PCDHA2: variants seen among roughly 807,000 people sequenced by gnomAD.
The protein encoded by PCDHA2 is protocadherin alpha-2.
A neutral mutation model predicts 66.0 loss-of-function variants in PCDHA2; 58 were observed. The ratio of observed to expected loss-of-function variants is 0.88; its 90% CI spans 0.71 to 1.09. The LOEUF (loss-of-function observed/expected upper bound fraction) is 1.09, where lower values mean the gene tolerates loss of function less well. PCDHA2 is among the 50% of genes least tolerant of loss of function. PCDHA2 has a pLI of 0.00. For synonymous variants in PCDHA2, 634 were observed against 554.0 expected (o/e 1.14, Z -2.03); for missense variants, 1,267 against 1,242.3 (o/e 1.02, Z -0.30).
chr5:140,834,759 A>G (rs2150225728), intron 1 of PCDHA2: 8 of 1,614,036 alleles, frequency 5.0e-6, no homozygotes, highest in Non-Finnish European at 6.8e-6. Flanking sequence ...GGTGAAGGAC[A>G]TTAACGACAA....
Position 140,818,967 on chromosome 5 carries a change from A to T in PCDHA2, c.2388+21615A>T, listed in dbSNP as rs2150102814. On this transcript the variant is annotated intron_variant, in intron 1 of 3. Transcript: ENST00000526136. Reference sequence around the variant, plus strand: ...CATTGATATTCACTATCTCAGGGATATGTTAGAACTATTCTCATATTTTCT... The same window carrying T: ...CATTGATATTCACTATCTCAGGGATTTGTTAGAACTATTCTCATATTTTCT... Among the ~76,000 whole-genome samples, 9 of 152,370 alleles carry T rather than the reference A, an allele frequency of 5.9e-5. No homozygotes were observed. The East Asian group carries it at 1.7e-3, about 29-fold the overall frequency.
chr5:140,807,036 G>A lies in PCDHA2; in HGVS notation c.2388+9684G>A. On this transcript the variant is annotated intron_variant, in intron 1 of 3. Coordinates refer to ENST00000526136, the MANE Select transcript of PCDHA2 (RefSeq NM_018905.3). ...ATACATGAGAGAAGGAGGAAGAAGG[G>A]AAAATTCCTTCTATTCTTACTGGAA... The A allele has an allele frequency of 2.1e-6, 2 of 946,538 alleles. 1 individual carries two copies. Among genetic ancestry groups the A allele is most frequent in the South Asian group, 3.3e-5 (2 of 59,988 alleles). 58.6% of individuals were successfully genotyped at this position (946,538 alleles called of 1,614,324 possible).
intron 1 of PCDHA2, chr5:140,876,134 A>T: frequency 6.2e-7 from 1 of 1,613,962 alleles, no homozygotes; most frequent in Non-Finnish European, 8.5e-7. Flanking sequence ...GGTAAACCAG[A>T]ACTAACAGGG....
intron 2 of PCDHA2, 101 bp downstream of exon 2, chr5:140,979,108 A>G: frequency 6.6e-7 from 1 of 1,526,122 alleles, no homozygotes; most frequent in African/African-American, 1.4e-5. Flanking sequence ...AAAACTAAAA[A>G]GCTTTAGGTA....
intron 1 of PCDHA2, chr5:140,884,248 G>A: frequency 1.2e-6 from 2 of 1,613,458 alleles, no homozygotes; most frequent in Non-Finnish European, 1.7e-6. Flanking sequence ...CCGCGCTGAC[G>A]GCCACGGCAA....
At chr5:140,929,014 C>T (rs1554206582) in intron 1 of PCDHA2, 5 of 1,614,110 alleles carry the variant, frequency 3.1e-6, no homozygotes, top group Non-Finnish European at 4.2e-6. Flanking sequence ...TACCAAGTTG[C>T]ACCAGAGCCC....
At chr5:140,962,947 A>T (rs2153733915) in intron 1 of PCDHA2, among the ~76,000 whole-genome samples, 2 of 152,320 alleles carry the variant, frequency 1.3e-5, no homozygotes, top group Admixed American at 1.3e-4. Context: ...TCCATAAGAT[A>T]TGCTCTATCC....
chr5:140,966,561 G>C (rs2153747879), intron 1 of PCDHA2: 1 of 488,962 alleles, frequency 2.0e-6, no homozygotes, highest in Non-Finnish European at 3.4e-6. Context: ...GGAGGAGCTG[G>C]AATATGGGGA....
chr5:140,796,568 T>G lies in PCDHA2; in HGVS notation c.1604T>G (p.Val535Gly). ...GAAGTGGAGCTGCTGCAGTTCCAGG[T>G]GAGCGCGCGGGATGCGGGCGTGCCG... ...HEEVELLQFQ[V>G]SARDAGVPPL... The change falls in exon 1 of 4, where the codon GTG (valine) becomes GGG (glycine). Residue 535 changes from valine to glycine, a missense_variant. Physicochemically the swap from Val to Gly is moderately radical, Grantham distance 109. Transcript: ENST00000526136. The G allele has an allele frequency of 6.2e-7, 1 of 1,613,218 alleles. No homozygotes were observed. The highest frequency in any genetic ancestry group is 8.5e-7 in the Non-Finnish European group (1 of 1,179,854).
intron 1 of PCDHA2, among the ~76,000 whole-genome samples, chr5:140,838,085 T>TA (rs1554136878): frequency 2.0e-4 from 13 of 64,188 alleles, no homozygotes; most frequent in African/African-American, 3.3e-4. Context: ...ATAGTGTGTG[T>TA]GTGTGTGTGT....
chr5:140,843,293 G>T, intron 1 of PCDHA2: 1 of 1,595,972 alleles, frequency 6.3e-7, no homozygotes, highest in East Asian at 2.2e-5. Context: ...TGGTGAACCT[G>T]CGCTGACCGC....
At chr5:140,896,346 G>T (rs1466880160) in intron 1 of PCDHA2, among the ~76,000 whole-genome samples, 18 of 151,992 alleles carry the variant, frequency 1.2e-4, no homozygotes, top group Non-Finnish European at 2.5e-4. Flanking sequence ...TTATATTCCC[G>T]CCAGCAGTGT....
At chr5:140,824,171 C>G in intron 1 of PCDHA2, 1 of 1,610,416 alleles carries the variant, frequency 6.2e-7, no homozygotes, top group Non-Finnish European at 8.5e-7. Context: ...TCCCAATTTT[C>G]AAATATTAAA....
At chr5:140,849,659 C>T in intron 1 of PCDHA2, 4 of 1,598,722 alleles carry the variant, frequency 2.5e-6, no homozygotes, top group Non-Finnish European at 3.4e-6. Flanking sequence ...TTACCTGCTC[C>T]CTGACGCCCC....
At chr5:140,830,062 G>A (rs1770788840) in intron 1 of PCDHA2, 3 of 1,613,698 alleles carry the variant, frequency 1.9e-6, no homozygotes, top group Non-Finnish European at 1.7e-6. Flanking sequence ...ACGGTGAGCC[G>A]GCGCTGACAG....
rs202007975 is a variant in PCDHA2 at position 140,850,558 on chromosome 5, G to A, written c.2388+53206G>A. The A allele has an allele frequency of 5.2e-4, 834 of 1,598,326 alleles. 75 individuals carry two copies. The highest frequency in any genetic ancestry group is 6.1e-4 in the Non-Finnish European group (716 of 1,167,818). ...TCGCGGGCGTCAGTGGGTGCCACGGGCCCCGAGGTGACGCTGGTGGATGTC... is the reference window on the plus strand; with the variant it reads ...TCGCGGGCGTCAGTGGGTGCCACGGACCCCGAGGTGACGCTGGTGGATGTC... On this transcript the variant is annotated intron_variant, in intron 1 of 3. Transcript: ENST00000526136.
chr5:140,973,606 G>A (rs1554235444), intron 1 of PCDHA2, among the ~76,000 whole-genome samples: 1 of 152,204 alleles, frequency 6.6e-6, no homozygotes, highest in African/African-American at 2.4e-5. Flanking sequence ...TTATGGCTGA[G>A]CTCTTCTCTG....
chr5:140,801,560 G>A (rs1762735852), intron 1 of PCDHA2: 1 of 1,614,242 alleles, frequency 6.2e-7, no homozygotes, highest in Non-Finnish European at 8.5e-7. Context: ...ATGTGGAGGT[G>A]GAAGTGAAGG....
chr5:140,968,057 C>G, intron 1 of PCDHA2: 1 of 1,614,110 alleles, frequency 6.2e-7, no homozygotes, highest in African/African-American at 1.3e-5. Flanking sequence ...GGACCGAGAG[C>G]GGGTGGCTGT....
Sources: allele counts gnomAD v4.1 joint callset (sites outside exome capture counted in the v4.1 genomes callset), GRCh38; gene constraint gnomAD v4.1.1; transcripts MANE v1.5; gene names NCBI Gene and HGNC (gene_info 2026-07-23, HGNC 2026-07-21).